DLGAP2: variants seen among roughly 807,000 people sequenced by gnomAD.
The protein encoded by DLGAP2 is DLG associated protein 2.
Under a neutral mutation model 100.3 loss-of-function variants are expected in DLGAP2, and 26 were observed. That is an observed-to-expected ratio of 0.26 (90% CI 0.19 to 0.36). The LOEUF is 0.36. Among genes scored for constraint, DLGAP2 ranks in the 10% least tolerant of loss-of-function variants. The pLI is 1.00. For missense variants in DLGAP2, 1,858 were observed against 1,453.2 expected (o/e 1.28, Z -4.53); for synonymous variants, 886 against 630.1 (o/e 1.41, Z -6.08).
At chr8:1,276,859 A>G (rs1168979023) in intron 3 of DLGAP2, among the ~76,000 whole-genome samples, 2 of 152,204 alleles carry the variant, frequency 1.3e-5, no homozygotes, top group Non-Finnish European at 2.9e-5. Flanking sequence ...CACTAAAATT[A>G]ATAAAATTAA....
chr8:1,576,601 G>C (rs1008312542), intron 6 of DLGAP2, among the ~76,000 whole-genome samples: 5 of 152,234 alleles, frequency 3.3e-5, no homozygotes, highest in African/African-American at 7.2e-5. Context: ...TATGGTTTTA[G>C]GTCTAACATG....
intron 2 of DLGAP2, among the ~76,000 whole-genome samples, chr8:1,162,014 C>G (rs568141416): frequency 5.9e-5 from 9 of 152,362 alleles, no homozygotes; most frequent in African/African-American, 2.2e-4. Context: ...TGGCAAGATG[C>G]ACTGGCTGGA....
At chr8:1,318,252 T>C (rs1184870868) in intron 3 of DLGAP2, among the ~76,000 whole-genome samples, 1 of 152,208 alleles carries the variant, frequency 6.6e-6, no homozygotes, top group African/African-American at 2.4e-5. Context: ...AAACTTTGAT[T>C]TCTCCAAATC....
At chr8:1,317,356 C>T (rs1265717854) in intron 3 of DLGAP2, among the ~76,000 whole-genome samples, 1 of 129,228 alleles carries the variant, frequency 7.7e-6, no homozygotes, top group East Asian at 2.5e-4. Flanking sequence ...GGTCTACACT[C>T]GAGAAACTCG....
At chr8:1,227,045 A>G (rs117687424) in intron 2 of DLGAP2, among the ~76,000 whole-genome samples, 2,213 of 149,622 alleles carry the variant, frequency 0.015, 30 homozygotes, top group South Asian at 0.068. Context: ...CCTCGGAAAT[A>G]TATCTGCACT....
intron 2 of DLGAP2, among the ~76,000 whole-genome samples, chr8:1,165,206 G>T (rs1356419222): frequency 6.6e-6 from 1 of 150,494 alleles, no homozygotes; most frequent in African/African-American, 2.5e-5. Flanking sequence ...GGGAGGTAGA[G>T]GGGGAGATGG....
chr8:1,673,219 C>A (rs1362085005), intron 10 of DLGAP2, among the ~76,000 whole-genome samples: 2 of 152,182 alleles, frequency 1.3e-5, no homozygotes, highest in East Asian at 1.9e-4. Context: ...TGATCCTACC[C>A]CCTCAGCCTT....
intron 1 of DLGAP2, among the ~76,000 whole-genome samples, chr8:835,592 G>A (rs911288930): frequency 4.0e-5 from 6 of 151,866 alleles, no homozygotes; most frequent in Non-Finnish European, 8.8e-5. Context: ...GGCTGGCCCT[G>A]CTGACAGGGC....
chr8:1,192,285 G>T (rs985763417), intron 2 of DLGAP2, among the ~76,000 whole-genome samples: 2 of 152,136 alleles, frequency 1.3e-5, no homozygotes, highest in African/African-American at 4.8e-5. Flanking sequence ...ACTTATTTAC[G>T]CTTATTAATT....
At chr8:1,258,744 C>T (rs932233714) in intron 2 of DLGAP2, 107 bp from the exon 3 acceptor site, 44 of 982,070 alleles carry the variant, frequency 4.5e-5, no homozygotes, top group Admixed American at 8.6e-5. Context: ...TGTGGTCAAG[C>T]GGCGTCATCT....
chr8:1,196,110 G>A lies in DLGAP2; in HGVS notation c.74-62741G>A, dbSNP rs991965814. On this transcript the variant is annotated intron_variant, in intron 2 of 14. Transcript: ENST00000637795. ...AACTTAGGCATCACCGATATCCAGG[G>A]CCCCGTCACATTTTTTCCTGATCCA... is the stretch of plus-strand genomic sequence containing the variant. Among the ~76,000 whole-genome samples, 7 of 152,288 alleles carry A rather than the reference G, an allele frequency of 4.6e-5. No homozygotes were observed. In the East Asian group the frequency reaches 1.2e-3, roughly 25 times the overall value.
At chr8:1,544,953 G>A (rs1315797658) in intron 4 of DLGAP2, among the ~76,000 whole-genome samples, 3 of 151,992 alleles carry the variant, frequency 2.0e-5, no homozygotes, top group East Asian at 1.9e-4. Flanking sequence ...GGATGGTCTC[G>A]ATCTCTTGAC....
Position 1,308,927 on chromosome 8 carries a change from T to A in DLGAP2, c.106+50044T>A, listed in dbSNP as rs138891502. ...TAAAGAGATCCAAATTATTTTTTTT[T>A]AAAGAAAACAGCAGACATTCTGGAG... On this transcript the variant is annotated intron_variant, in intron 3 of 14. Transcript: ENST00000637795. Among the ~76,000 whole-genome samples, 1,053 of 152,250 alleles carry A rather than the reference T, an allele frequency of 6.9e-3. 16 individuals carry two copies. Among genetic ancestry groups the A allele is most frequent in the African/African-American group, 0.024 (996 of 41,558 alleles).
chr8:920,049 G>A (rs909285935), intron 2 of DLGAP2, among the ~76,000 whole-genome samples: 14 of 152,158 alleles, frequency 9.2e-5, no homozygotes, highest in South Asian at 2.1e-4. Flanking sequence ...GAAAGCACGC[G>A]GAGCATGGTC....
chr8:894,154 G>A (rs1156497213), intron 1 of DLGAP2, among the ~76,000 whole-genome samples: 1 of 152,208 alleles, frequency 6.6e-6, no homozygotes, highest in African/African-American at 2.4e-5. Context: ...TGCTGTTGGA[G>A]GCTCAGTCAG....
intron 1 of DLGAP2, among the ~76,000 whole-genome samples, chr8:847,045 G>T (rs555507269): frequency 1.3e-5 from 2 of 152,132 alleles, no homozygotes; most frequent in African/African-American, 4.8e-5. Flanking sequence ...AATAGTTTTT[G>T]TACAGTTGGA....
chr8:1,232,400 C>G lies in DLGAP2; in HGVS notation c.74-26451C>G, dbSNP rs780215217. ...CCTCTGTCCTCATCATTCCAGGTCT[C>G]TGCCCCATCCCTTTCTCCAGCACCC... On this transcript the variant is annotated intron_variant, in intron 2 of 14. Coordinates refer to ENST00000637795, the MANE Select transcript of DLGAP2 (RefSeq NM_001346810.2). Among the ~76,000 whole-genome samples the G allele has an allele frequency of 1.0e-3, 152 of 152,228 alleles. 3 individuals are homozygous for G. The highest frequency in any genetic ancestry group is 2.5e-4 in the Non-Finnish European group (17 of 68,040).
intron 1 of DLGAP2, among the ~76,000 whole-genome samples, chr8:755,733 AT>A (rs1202632077): frequency 6.6e-6 from 1 of 152,122 alleles, no homozygotes; most frequent in East Asian, 1.9e-4. Context: ...GAGGGGCCCC[AT>A]GTGTGTCAGA....
intron 2 of DLGAP2, among the ~76,000 whole-genome samples, chr8:946,445 T>TA (rs1435279935): frequency 2.0e-5 from 3 of 151,800 alleles, no homozygotes; most frequent in Non-Finnish European, 2.9e-5. Flanking sequence ...TTGTAGTTTT[T>TA]GTAGAGACGG....
Sources: gnomAD v4.1 joint callset for allele counts (sites outside exome capture counted in the v4.1 genomes callset) on GRCh38, gnomAD v4.1.1 for gene constraint, MANE v1.5 for transcripts, NCBI Gene and HGNC (gene_info 2026-07-23, HGNC 2026-07-21) for gene names.